GOLPH3L: variants seen among roughly 807,000 people sequenced by gnomAD.
GOLPH3L encodes the protein Golgi phosphoprotein 3-like.
Under a neutral mutation model 30.3 loss-of-function variants are expected in GOLPH3L, and 22 were observed. The observed-to-expected ratio is 0.73, with a 90% confidence interval of 0.52 to 1.04. The LOEUF (loss-of-function observed/expected upper bound fraction) is 1.04. GOLPH3L is among the 50% of genes least tolerant of loss of function. The pLI, the probability that GOLPH3L is intolerant of heterozygous loss-of-function variation, is 0.00. For synonymous variants in GOLPH3L, 120 were observed against 128.2 expected, an observed-to-expected ratio of 0.94 and a Z score of 0.43; for missense variants, 303 against 345.8, an observed-to-expected ratio of 0.88 and a Z score of 0.98.
intron 2 of GOLPH3L, among the ~76,000 whole-genome samples, chr1:150,668,811 T>C (rs1270092165): frequency 6.6e-6 from 1 of 152,202 alleles, no homozygotes; most frequent in Admixed American, 6.5e-5. Flanking sequence ...CACGTAATTA[T>C]GTAGGCATTA....
At chr1:150,691,032 G>A (rs1324050997) in intron 2 of GOLPH3L, among the ~76,000 whole-genome samples, 3 of 152,094 alleles carry the variant, frequency 2.0e-5, no homozygotes, top group East Asian at 1.9e-4. Flanking sequence ...AGTGGCTCAC[G>A]CTTGTAATCC....
chr1:150,651,552 G>C (rs1161084163), intron 4 of GOLPH3L, among the ~76,000 whole-genome samples: 2 of 150,142 alleles, frequency 1.3e-5, no homozygotes, highest in African/African-American at 4.9e-5. Context: ...AGGAGGCTGA[G>C]GCAGGAGAAT....
At chr1:150,690,199 T>A (rs991515634) in intron 2 of GOLPH3L, among the ~76,000 whole-genome samples, 1 of 151,682 alleles carries the variant, frequency 6.6e-6, no homozygotes, top group Admixed American at 6.6e-5. Context: ...GTTGCCCAGG[T>A]TGGTCTAGAA....
At chr1:150,676,123 G>A (rs1276686629) in intron 2 of GOLPH3L, among the ~76,000 whole-genome samples, 3 of 151,948 alleles carry the variant, frequency 2.0e-5, no homozygotes, top group Non-Finnish European at 2.9e-5. Flanking sequence ...ACCAGCGCAT[G>A]CCACCATGCC....
chr1:150,666,601 G>T (rs1000655326), intron 2 of GOLPH3L, among the ~76,000 whole-genome samples: 2 of 152,132 alleles, frequency 1.3e-5, no homozygotes, highest in Non-Finnish European at 2.9e-5. Flanking sequence ...GCCTCCCAAA[G>T]TGCTGGAATT....
At chr1:150,671,109 G>A (rs1650633251) in intron 2 of GOLPH3L, among the ~76,000 whole-genome samples, 2 of 152,096 alleles carry the variant, frequency 1.3e-5, no homozygotes, top group African/African-American at 2.4e-5. Context: ...GGGCATGGTG[G>A]CCCGTGCCTG....
At chr1:150,672,132 G>A (rs1043925070) in intron 2 of GOLPH3L, among the ~76,000 whole-genome samples, 4 of 152,140 alleles carry the variant, frequency 2.6e-5, no homozygotes, top group African/African-American at 9.7e-5. Context: ...CCTTCCATGA[G>A]AGAAGAAATG....
At chr1:150,648,931 T>C (rs907837505) in intron 4 of GOLPH3L, among the ~76,000 whole-genome samples, 183 bp from the exon 5 acceptor site, 1 of 152,216 alleles carries the variant, frequency 6.6e-6, no homozygotes, top group Middle Eastern at 3.2e-3. Context: ...TTAAACCAGC[T>C]TCAAAAAATG....
At chr1:150,650,953 AT>A (rs1400294724) in intron 4 of GOLPH3L, among the ~76,000 whole-genome samples, 4 of 152,242 alleles carry the variant, frequency 2.6e-5, no homozygotes, top group African/African-American at 9.6e-5. Flanking sequence ...TTTTATAAAT[AT>A]GTTCAAAGAC....
At chr1:150,679,289 G>C (rs951783822) in intron 2 of GOLPH3L, among the ~76,000 whole-genome samples, 1 of 152,130 alleles carries the variant, frequency 6.6e-6, no homozygotes, top group Admixed American at 6.6e-5. Context: ...CCCAAATAGC[G>C]AAGTACAGAA....
chr1:150,685,877 T>C (rs1651075229), intron 2 of GOLPH3L, among the ~76,000 whole-genome samples: 1 of 145,278 alleles, frequency 6.9e-6, no homozygotes, highest in South Asian at 2.2e-4. Flanking sequence ...AGTATGTCTT[T>C]TTTTTTTTTT....
chr1:150,655,202 A>G (rs1650213378), intron 4 of GOLPH3L, among the ~76,000 whole-genome samples: 1 of 152,174 alleles, frequency 6.6e-6, no homozygotes, highest in African/African-American at 2.4e-5. Context: ...CAGACATTTC[A>G]ATCATTTCTC....
At chr1:150,691,150 C>T (rs1651201996) in intron 2 of GOLPH3L, among the ~76,000 whole-genome samples, 1 of 151,142 alleles carries the variant, frequency 6.6e-6, no homozygotes, top group South Asian at 2.1e-4. Flanking sequence ...AAAAATTAGC[C>T]AGGAGGGACA....
intron 2 of GOLPH3L, among the ~76,000 whole-genome samples, chr1:150,674,465 G>A (rs1169987003): frequency 6.6e-6 from 1 of 152,048 alleles, no homozygotes; most frequent in Non-Finnish European, 1.5e-5. Flanking sequence ...GTTTCACCAT[G>A]TTGGCCAGGG....
At chr1:150,674,163 G>C (rs1215134040) in intron 2 of GOLPH3L, among the ~76,000 whole-genome samples, 1 of 151,622 alleles carries the variant, frequency 6.6e-6, no homozygotes, top group East Asian at 1.9e-4. Context: ...AACTTCAAAA[G>C]AGGCAGTACT....
At chr1:150,694,159 A>G (rs759117724) in intron 2 of GOLPH3L, 2 of 451,178 alleles carry the variant, frequency 4.4e-6, no homozygotes, top group East Asian at 7.9e-5. Flanking sequence ...GCGTAATCCA[A>G]CTGTTGATAT....
At position 150,694,693 on chromosome 1, in the gene GOLPH3L, A is replaced by C; in HGVS notation, c.146T>G (p.Met49Arg). 1 of 1,609,064 alleles carries C rather than the reference A, an allele frequency of 6.2e-7. No individual in the cohort carries two copies. Among genetic ancestry groups the C allele is most frequent in the Non-Finnish European group, 8.5e-7 (1 of 1,177,952 alleles). The change falls in exon 2 of 5, where the codon ATG becomes AGG. Residue 49 changes from methionine to arginine, a missense_variant. Physicochemically the swap from Met to Arg is moderately conservative, Grantham distance 91. Coordinates refer to ENST00000271732, the MANE Select transcript of GOLPH3L (RefSeq NM_018178.6). ...GDSKDIRLTL[M>R]EEVLLLGLKD... ...TAGTCCCAGAAGCAATACTTCTTCCATAAGAGTAAGGCGGATATCCTTAGA... is the reference window on the plus strand; with the variant it reads ...TAGTCCCAGAAGCAATACTTCTTCCCTAAGAGTAAGGCGGATATCCTTAGA...
At chr1:150,655,106 T>C (rs587670005) in intron 4 of GOLPH3L, among the ~76,000 whole-genome samples, 6 of 152,348 alleles carry the variant, frequency 3.9e-5, no homozygotes, top group South Asian at 4.1e-4. Flanking sequence ...AAGCTGCTTA[T>C]TGGATGAATC....
At chr1:150,666,973 G>A (rs1018469899) in intron 2 of GOLPH3L, among the ~76,000 whole-genome samples, 7 of 152,050 alleles carry the variant, frequency 4.6e-5, no homozygotes, top group Non-Finnish European at 1.0e-4. Context: ...CGAGATTCTG[G>A]AGGCCTAAAT....
Sources: gnomAD v4.1 joint callset for allele counts (sites outside exome capture counted in the v4.1 genomes callset) on GRCh38, gnomAD v4.1.1 for gene constraint, MANE v1.5 for transcripts, NCBI Gene and HGNC (gene_info 2026-07-23, HGNC 2026-07-21) for gene names.